The following TCF4 variants were observed in gnomAD, a reference collection of about 807,000 sequenced individuals.
TCF4 encodes the protein SL3-3 enhancer factor 2.
In TCF4, 3 loss-of-function variants were observed where a neutral mutation model predicts 82.1. That is an observed-to-expected ratio of 0.04 (90% confidence interval 0.02 to 0.09). The LOEUF (loss-of-function observed/expected upper bound fraction) is 0.09, where lower values mean the gene tolerates loss of function less well. Ranked by LOEUF, TCF4 falls within the 10% of genes least tolerant of loss-of-function variation. The probability of loss-of-function intolerance (pLI) is 1.00; values close to 1 mark genes in which losing one functional copy is unlikely to be tolerated. For synonymous variants in TCF4, 276 were observed against 309.6 expected, an observed-to-expected ratio of 0.89 and a Z score of 1.14; for missense variants, 518 against 852.7, an observed-to-expected ratio of 0.61 and a Z score of 4.89.
At chr18:55,355,455 G>T (rs1275338418) in intron 6 of TCF4, among the ~76,000 whole-genome samples, 2 of 152,134 alleles carry the variant, frequency 1.3e-5, no homozygotes, top group African/African-American at 4.8e-5. Context: ...GACCACAGAA[G>T]GGCCATTGCT....
intron 8 of TCF4, among the ~76,000 whole-genome samples, chr18:55,295,560 CA>C (rs2066285739): frequency 6.6e-6 from 1 of 152,132 alleles, no homozygotes; most frequent in Non-Finnish European, 1.5e-5. Flanking sequence ...CTAAGTTTTC[CA>C]GGTCCTCCTA....
At chr18:55,239,711 T>G (rs2050657126) in intron 15 of TCF4, among the ~76,000 whole-genome samples, 1 of 152,236 alleles carries the variant, frequency 6.6e-6, no homozygotes, top group Admixed American at 6.5e-5. Context: ...CATAAACAGA[T>G]TTAAAAGACA....
intron 14 of TCF4, among the ~76,000 whole-genome samples, chr18:55,256,549 G>A (rs2056889392): frequency 6.6e-6 from 1 of 152,114 alleles, no homozygotes; most frequent in African/African-American, 2.4e-5. Flanking sequence ...TGAAAGGGAA[G>A]AATATAAGAC....
chr18:55,256,869 T>C (rs2056968937), intron 14 of TCF4, among the ~76,000 whole-genome samples: 2 of 152,172 alleles, frequency 1.3e-5, no homozygotes, highest in African/African-American at 4.8e-5. Context: ...TAGGCATTTC[T>C]CTACCACGAA....
At chr18:55,574,582 G>A (rs890803446) in intron 3 of TCF4, among the ~76,000 whole-genome samples, 2 of 152,070 alleles carry the variant, frequency 1.3e-5, no homozygotes, top group African/African-American at 2.4e-5. Flanking sequence ...CAAATGATCC[G>A]CCTGCCTTGG....
At chr18:55,561,262 C>T (rs1254816814) in intron 3 of TCF4, among the ~76,000 whole-genome samples, 2 of 152,188 alleles carry the variant, frequency 1.3e-5, no homozygotes, top group African/African-American at 2.4e-5. Context: ...TACATACATG[C>T]TTCTAATTGA....
At chr18:55,320,499 G>C (rs900352037) in intron 8 of TCF4, among the ~76,000 whole-genome samples, 2 of 152,154 alleles carry the variant, frequency 1.3e-5, no homozygotes, top group African/African-American at 4.8e-5. Context: ...TTGTGTATAT[G>C]TATGTATTAC....
At chr18:55,318,980 C>T (rs2074829392) in intron 8 of TCF4, among the ~76,000 whole-genome samples, 2 of 152,206 alleles carry the variant, frequency 1.3e-5, no homozygotes, top group South Asian at 2.1e-4. Context: ...CTTCCTCTGG[C>T]CTCTCTCAGT....
intron 2 of TCF4, among the ~76,000 whole-genome samples, chr18:55,630,438 G>A (rs1171337237): frequency 6.6e-6 from 1 of 152,174 alleles, no homozygotes; most frequent in Non-Finnish European, 1.5e-5. Flanking sequence ...CTTAATCAAT[G>A]ATATGCTAAC....
chr18:55,468,666 TG>T (rs1326381203), intron 3 of TCF4, among the ~76,000 whole-genome samples: 1 of 152,206 alleles, frequency 6.6e-6, no homozygotes. Flanking sequence ...ACATCTTGTG[TG>T]GTACTGTACA....
chr18:55,482,438 G>C (rs193136419), intron 3 of TCF4, among the ~76,000 whole-genome samples: 7 of 152,284 alleles, frequency 4.6e-5, no homozygotes, highest in African/African-American at 9.6e-5. Context: ...GTCCACCAGG[G>C]ATGTAGTGAT....
chr18:55,467,578 T>C (rs1160537830), intron 3 of TCF4, among the ~76,000 whole-genome samples: 2 of 152,168 alleles, frequency 1.3e-5, no homozygotes, highest in East Asian at 3.8e-4. Flanking sequence ...GCAGCCTCTC[T>C]CACTCCATAT....
chr18:55,382,645 CTT>C (rs1272538271), intron 6 of TCF4, among the ~76,000 whole-genome samples: 4 of 152,032 alleles, frequency 2.6e-5, no homozygotes, highest in Non-Finnish European at 5.9e-5. Context: ...TCCTGATCAC[CTT>C]GTTTTAATAC....
At chr18:55,608,994 G>T (rs1198232156) in intron 2 of TCF4, among the ~76,000 whole-genome samples, 5 of 152,094 alleles carry the variant, frequency 3.3e-5, no homozygotes, top group Admixed American at 3.3e-4. Flanking sequence ...TGGAATTAAT[G>T]CCCTTATATA....
chr18:55,429,962 G>A (rs1332336646), intron 5 of TCF4, among the ~76,000 whole-genome samples: 1 of 151,910 alleles, frequency 6.6e-6, no homozygotes, highest in African/African-American at 2.4e-5. Context: ...CTTGGAGTGA[G>A]GACCTCTGTG....
chr18:55,358,220 G>A (rs970170078), intron 6 of TCF4, among the ~76,000 whole-genome samples: 6 of 152,252 alleles, frequency 3.9e-5, no homozygotes, highest in African/African-American at 1.4e-4. Flanking sequence ...TGAAGTAAAT[G>A]CAGAACTAAT....
At chr18:55,571,021 A>G (rs529253664) in intron 3 of TCF4, among the ~76,000 whole-genome samples, 24 of 152,120 alleles carry the variant, frequency 1.6e-4, no homozygotes, top group Non-Finnish European at 3.1e-4. Context: ...ACAACTGGAC[A>G]CTATCCTGCC....
intron 3 of TCF4, among the ~76,000 whole-genome samples, chr18:55,538,271 A>G (rs2097136561): frequency 1.3e-5 from 2 of 152,168 alleles, no homozygotes; most frequent in African/African-American, 4.8e-5. Flanking sequence ...ATGTAACTCT[A>G]AAAGTATAAT....
rs534875259 is a variant in TCF4 at position 55,567,887 on chromosome 18, G to C, written c.145+17393C>G. 2.2e-4 allele frequency among the ~76,000 whole-genome samples: 34 copies of C among 152,252 alleles called. 1 individual carries two copies. Among genetic ancestry groups the C allele is most frequent in the African/African-American group, 7.9e-4 (33 of 41,554 alleles). ...CAAAGAACTGTTGCCATACAGAATA[G>C]TTCTCTGACAACAATTAAATTGTAA... On this transcript the variant is annotated intron_variant, in intron 3 of 19. Coordinates refer to ENST00000354452, the MANE Select transcript of TCF4 (RefSeq NM_001083962.2).
Sources: allele counts gnomAD v4.1 joint callset (sites outside exome capture counted in the v4.1 genomes callset), GRCh38; gene constraint gnomAD v4.1.1; transcripts MANE v1.5; gene names NCBI Gene and HGNC (gene_info 2026-07-23, HGNC 2026-07-21).